GNAQ: variants seen among roughly 807,000 people sequenced by gnomAD.
GNAQ encodes the protein guanine nucleotide-binding protein G(q) subunit alpha.
A neutral mutation model predicts 43.9 loss-of-function variants in GNAQ; 8 were observed. The observed-to-expected ratio is 0.18, with a 90% confidence interval of 0.11 to 0.33. The LOEUF (loss-of-function observed/expected upper bound fraction) is 0.33. GNAQ is among the 10% of genes least tolerant of loss of function. The pLI, the probability that GNAQ is intolerant of heterozygous loss-of-function variation, is 1.00. For missense variants in GNAQ, 158 were observed against 450.8 expected (o/e 0.35, Z 5.88); for synonymous variants, 155 against 170.7 (o/e 0.91, Z 0.71).
At chr9:77,757,715 T>C (rs1825927336) in intron 5 of GNAQ, among the ~76,000 whole-genome samples, 1 of 152,228 alleles carries the variant, frequency 6.6e-6, no homozygotes, top group African/African-American at 2.4e-5. Flanking sequence ...ACTTTCTGGC[T>C]TCCAATAGCT....
At chr9:77,952,220 A>T (rs1587427699) in intron 1 of GNAQ, among the ~76,000 whole-genome samples, 1 of 152,340 alleles carries the variant, frequency 6.6e-6, no homozygotes, top group East Asian at 1.9e-4. Context: ...CTCAGTTTTT[A>T]TATTTAAAAT....
intron 2 of GNAQ, among the ~76,000 whole-genome samples, chr9:77,897,484 CA>C (rs1350992196): frequency 1.3e-5 from 2 of 152,120 alleles, no homozygotes; most frequent in Non-Finnish European, 2.9e-5. Flanking sequence ...GTGAAGCCAC[CA>C]GGGGCAGCAC....
At chr9:77,851,606 A>C (rs1365942872) in intron 2 of GNAQ, among the ~76,000 whole-genome samples, 1 of 152,086 alleles carries the variant, frequency 6.6e-6, no homozygotes, top group Non-Finnish European at 1.5e-5. Flanking sequence ...TTTATTACGT[A>C]TCTCTGCTCT....
chr9:77,940,936 C>T (rs947417552), intron 1 of GNAQ, among the ~76,000 whole-genome samples: 1 of 151,724 alleles, frequency 6.6e-6, no homozygotes, highest in African/African-American at 2.4e-5. Context: ...TGCACTCCAG[C>T]CTGGGCGACA....
chr9:77,829,523 T>C (rs1180292674), intron 2 of GNAQ, among the ~76,000 whole-genome samples: 1 of 152,208 alleles, frequency 6.6e-6, no homozygotes, highest in Non-Finnish European at 1.5e-5. Context: ...TGTTATTTAG[T>C]GTTCACAATA....
chr9:77,983,420 C>T (rs1823393460), intron 1 of GNAQ, among the ~76,000 whole-genome samples: 1 of 152,202 alleles, frequency 6.6e-6, no homozygotes, highest in Middle Eastern at 3.2e-3. Context: ...AGTACCTCAC[C>T]AACCTTTTGG....
At chr9:77,837,446 C>T (rs12115361) in intron 2 of GNAQ, among the ~76,000 whole-genome samples, 2,073 of 152,068 alleles carry the variant, frequency 0.014, 31 homozygotes, top group African/African-American at 0.03. Context: ...CCCAGCTACT[C>T]GGGTGGCTGA....
intron 2 of GNAQ, among the ~76,000 whole-genome samples, chr9:77,894,437 T>A (rs1342407486): frequency 5.3e-5 from 1 of 18,752 alleles, no homozygotes; most frequent in East Asian, 1.0e-3. Flanking sequence ...TATATATATA[T>A]TTTTTGGAGA....
intron 2 of GNAQ, among the ~76,000 whole-genome samples, chr9:77,890,898 G>A (rs1354038899): frequency 6.6e-6 from 1 of 152,196 alleles, no homozygotes; most frequent in Non-Finnish European, 1.5e-5. Flanking sequence ...TACAATCCCA[G>A]TAGGAGGATC....
At chr9:77,807,939 C>T (rs1564116579) in intron 3 of GNAQ, among the ~76,000 whole-genome samples, 1 of 152,084 alleles carries the variant, frequency 6.6e-6, no homozygotes, top group Non-Finnish European at 1.5e-5. Context: ...TGGCTATGTT[C>T]CAACCAAACT....
chr9:77,889,770 G>A (rs10869982), intron 2 of GNAQ, among the ~76,000 whole-genome samples: 17 of 151,930 alleles, frequency 1.1e-4, no homozygotes, highest in Non-Finnish European at 2.4e-4. Context: ...ATACGTCACC[G>A]CTTATTTCTA....
At chr9:77,821,724 G>GGGGGGGGTGTGT (rs201504418) in intron 2 of GNAQ, among the ~76,000 whole-genome samples, 1 of 142,308 alleles carries the variant, frequency 7.0e-6, no homozygotes, top group African/African-American at 2.7e-5. Context: ...TCCTAGTATG[G>GGGGGGGGTGTGT]GTGTGTGTGT....
At chr9:77,937,141 C>A (rs1426762199) in intron 1 of GNAQ, among the ~76,000 whole-genome samples, 1 of 152,132 alleles carries the variant, frequency 6.6e-6, no homozygotes, top group Non-Finnish European at 1.5e-5. Flanking sequence ...ACAACTCAGC[C>A]ATTTAAAATG....
At chr9:78,003,674 G>A (rs1281487220) in intron 1 of GNAQ, among the ~76,000 whole-genome samples, 1 of 152,014 alleles carries the variant, frequency 6.6e-6, no homozygotes, top group Non-Finnish European at 1.5e-5. Flanking sequence ...AAATAAACTG[G>A]GTGTGGTAAT....
intron 1 of GNAQ, among the ~76,000 whole-genome samples, chr9:78,013,865 A>T (rs2118587848): frequency 6.6e-6 from 1 of 152,286 alleles, no homozygotes; most frequent in East Asian, 1.9e-4. Context: ...GGCAGAGTTG[A>T]GTAGTTCTAA....
intron 1 of GNAQ, among the ~76,000 whole-genome samples, chr9:77,989,688 C>G (rs1482269996): frequency 2.6e-5 from 4 of 152,220 alleles, no homozygotes; most frequent in Non-Finnish European, 4.4e-5. Context: ...ACATCTGGAG[C>G]CTTCCCTACC....
At chr9:77,807,848 G>T (rs536391525) in intron 3 of GNAQ, among the ~76,000 whole-genome samples, 1 of 152,116 alleles carries the variant, frequency 6.6e-6, no homozygotes, top group Admixed American at 6.6e-5. Flanking sequence ...AGGACTTTTG[G>T]ACCATATGAT....
intron 2 of GNAQ, among the ~76,000 whole-genome samples, chr9:77,846,121 G>C (rs1045901945): frequency 5.3e-5 from 8 of 152,202 alleles, no homozygotes; most frequent in African/African-American, 1.9e-4. Context: ...GTGCTGTTTG[G>C]CCACGGTCTG....
At chr9:77,952,870 A>C (rs946931807) in intron 1 of GNAQ, among the ~76,000 whole-genome samples, 15 of 152,226 alleles carry the variant, frequency 9.9e-5, no homozygotes, top group Non-Finnish European at 2.2e-4. Flanking sequence ...GAAACTGGGA[A>C]AACATGAAAA....
Sources: allele counts gnomAD v4.1 joint callset (sites outside exome capture counted in the v4.1 genomes callset), GRCh38; gene constraint gnomAD v4.1.1; transcripts MANE v1.5; gene names NCBI Gene and HGNC (gene_info 2026-07-23, HGNC 2026-07-21).